The following CACNA1A variants were observed in gnomAD, a reference collection of about 807,000 sequenced individuals.
CACNA1A encodes the protein calcium voltage-gated channel subunit alpha1 A.
In CACNA1A, 57 loss-of-function variants were observed where a neutral mutation model predicts 262.4. That is an observed-to-expected ratio of 0.22 (90% CI 0.18 to 0.27). The LOEUF (loss-of-function observed/expected upper bound fraction) is 0.27. CACNA1A is among the 10% of genes least tolerant of loss of function. The pLI, the probability that CACNA1A is intolerant of heterozygous loss-of-function variation, is 1.00. For missense variants in CACNA1A, 2,526 were observed against 3,562.8 expected (o/e 0.71, Z 7.41); for synonymous variants, 1,431 against 1,419.3 (o/e 1.01, Z -0.18).
At chr19:13,216,524 C>T (rs1412264745) in intron 38 of CACNA1A, among the ~76,000 whole-genome samples, 1 of 151,960 alleles carries the variant, frequency 6.6e-6, no homozygotes, top group Non-Finnish European at 1.5e-5. Flanking sequence ...GACAGGGTTT[C>T]ACCATGTTGG....
chr19:13,318,744 A>C (rs978295864), intron 10 of CACNA1A, among the ~76,000 whole-genome samples: 12 of 152,158 alleles, frequency 7.9e-5, no homozygotes, highest in African/African-American at 2.9e-4. Context: ...GGATGAGCCA[A>C]GGTGAATGAA....
intron 38 of CACNA1A, among the ~76,000 whole-genome samples, chr19:13,218,901 T>G (rs1297881982): frequency 1.3e-5 from 2 of 152,076 alleles, no homozygotes; most frequent in Non-Finnish European, 2.9e-5. Context: ...CCATGCCTAA[T>G]TTTTGTATTT....
At chr19:13,242,936 C>T (rs762666522) in intron 31 of CACNA1A, among the ~76,000 whole-genome samples, 6 of 152,206 alleles carry the variant, frequency 3.9e-5, no homozygotes, top group South Asian at 2.1e-4. Flanking sequence ...ATGAACACCC[C>T]ATGCCCCATC....
At chr19:13,261,976 A>G (rs1237455125) in intron 25 of CACNA1A, 10 of 187,128 alleles carry the variant, frequency 5.3e-5, no homozygotes, top group Non-Finnish European at 1.0e-4. Flanking sequence ...TACCATTGAC[A>G]TTTTCCCTCT....
intron 28 of CACNA1A, among the ~76,000 whole-genome samples, chr19:13,255,737 T>TCCTTCTCTCCCTCCCTCCTTCCC (rs2056540196): frequency 2.8e-5 from 1 of 36,014 alleles, no homozygotes; most frequent in Non-Finnish European, 5.6e-5. Flanking sequence ...CCCTCCCTCC[T>TCCTTCTCTCCCTCCCTCCTTCCC]TCCCTCCCTC....
chr19:13,341,350 A>ACTCCTGGC (rs959188634), intron 6 of CACNA1A, among the ~76,000 whole-genome samples: 1 of 141,290 alleles, frequency 7.1e-6, no homozygotes, highest in African/African-American at 2.6e-5. Flanking sequence ...TGGTCTGTGG[A>ACTCCTGGC]CTCCTGGCCT....
chr19:13,503,882 C>T (rs1982693756), intron 1 of CACNA1A, among the ~76,000 whole-genome samples: 2 of 152,074 alleles, frequency 1.3e-5, no homozygotes, highest in South Asian at 2.1e-4. Context: ...AAGCAACACT[C>T]GCAATTCACC....
At chr19:13,337,508 A>G (rs1240745859) in intron 6 of CACNA1A, among the ~76,000 whole-genome samples, 3 of 152,136 alleles carry the variant, frequency 2.0e-5, no homozygotes, top group Non-Finnish European at 4.4e-5. Flanking sequence ...CTTAACTGCT[A>G]TGGTTGGTGC....
At chr19:13,404,275 C>A (rs575018891) in intron 3 of CACNA1A, among the ~76,000 whole-genome samples, 1 of 152,068 alleles carries the variant, frequency 6.6e-6, no homozygotes. Context: ...CAGCTTCCAC[C>A]CGGAGCTCAG....
chr19:13,235,298 G>A (rs1443532664), intron 32 of CACNA1A, 24 bp from the exon 33 acceptor site: 1 of 1,565,990 alleles, frequency 6.4e-7, no homozygotes, highest in Non-Finnish European at 8.7e-7. Context: ...AGGCAATGAA[G>A]AAGAGTGCTG....
At chr19:13,312,864 T>C in intron 11 of CACNA1A, 83 bp from the exon 12 acceptor site, 1 of 647,080 alleles carries the variant, frequency 1.5e-6, no homozygotes, top group Non-Finnish European at 2.6e-6. Flanking sequence ...TTCCTTTTAT[T>C]ATCATTTTTA....
chr19:13,325,448 A>G (rs1467900343), intron 10 of CACNA1A, among the ~76,000 whole-genome samples: 1 of 152,128 alleles, frequency 6.6e-6, no homozygotes, highest in Non-Finnish European at 1.5e-5. Context: ...GGCCTGTATT[A>G]TTGCATTCTT....
At chr19:13,491,144 G>C (rs887048498) in intron 1 of CACNA1A, among the ~76,000 whole-genome samples, 1 of 152,226 alleles carries the variant, frequency 6.6e-6, no homozygotes, top group South Asian at 2.1e-4. Context: ...GAGAAAACTT[G>C]AGTATTTTTC....
At chr19:13,333,926 G>C (rs1279202724) in intron 8 of CACNA1A, 1 of 163,526 alleles carries the variant, frequency 6.1e-6, no homozygotes, top group Non-Finnish European at 1.3e-5. Flanking sequence ...CACACAGCAG[G>C]TGCTCCCTAA....
chr19:13,270,871 C>T (rs77868987), intron 24 of CACNA1A, among the ~76,000 whole-genome samples: 19 of 152,314 alleles, frequency 1.2e-4, no homozygotes, highest in Non-Finnish European at 2.5e-4. Flanking sequence ...CTGGGAGAGT[C>T]CCAGGCACTT....
In CACNA1A at chr19:13,374,123, G is replaced by C. The variant is rs532238953; in HGVS notation, c.540-2344C>G. Among the ~76,000 whole-genome samples the C allele has an allele frequency of 7.2e-5, 11 of 152,312 alleles. No individual in the cohort carries two copies. In the South Asian group the frequency reaches 2.3e-3, roughly 32 times the overall value. On this transcript the variant is annotated intron_variant, in intron 3 of 46. Coordinates refer to ENST00000360228, the MANE Select transcript of CACNA1A (RefSeq NM_001127222.2). Reference sequence around the variant, plus strand: ...TGACAGAGAGCTTGGGACTGAAAGAGGGCTTGGCAAATTCAAGAAATGACA... The same window carrying C: ...TGACAGAGAGCTTGGGACTGAAAGACGGCTTGGCAAATTCAAGAAATGACA...
At chr19:13,220,819 T>C (rs1385595754) in intron 38 of CACNA1A, among the ~76,000 whole-genome samples, 1 of 152,034 alleles carries the variant, frequency 6.6e-6, no homozygotes. Context: ...AGAGATGGGG[T>C]CTCTCTGTGT....
chr19:13,469,729 G>A (rs1452539969), intron 1 of CACNA1A, among the ~76,000 whole-genome samples: 3 of 150,766 alleles, frequency 2.0e-5, no homozygotes, highest in African/African-American at 4.9e-5. Context: ...AAAGTGCTGC[G>A]ATTACAGGTG....
At chr19:13,219,502 A>C (rs2055141687) in intron 38 of CACNA1A, among the ~76,000 whole-genome samples, 1 of 152,184 alleles carries the variant, frequency 6.6e-6, no homozygotes, top group African/African-American at 2.4e-5. Flanking sequence ...TTACGATGGC[A>C]TTACATACAA....
Sources: gnomAD v4.1 joint callset for allele counts (sites outside exome capture counted in the v4.1 genomes callset) on GRCh38, gnomAD v4.1.1 for gene constraint, MANE v1.5 for transcripts, NCBI Gene and HGNC (gene_info 2026-07-23, HGNC 2026-07-21) for gene names.